Variants in DYNC1I1 observed in about 807,000 individuals in gnomAD.
The protein encoded by DYNC1I1 is dynein cytoplasmic 1 intermediate chain 1.
A neutral mutation model predicts 86.6 loss-of-function variants in DYNC1I1; 43 were observed. The observed-to-expected ratio is 0.50, with a 90% CI of 0.39 to 0.64. The LOEUF is 0.64. Ranked by LOEUF, DYNC1I1 falls within the 30% of genes least tolerant of loss-of-function variation. The pLI, the probability that DYNC1I1 is intolerant of heterozygous loss-of-function variation, is 0.00. For missense variants in DYNC1I1, 604 were observed against 788.8 expected, an observed-to-expected ratio of 0.77 and a Z score of 2.81; for synonymous variants, 262 against 283.7, an observed-to-expected ratio of 0.92 and a Z score of 0.77.
chr7:96,044,949 G>A (rs1789164653), intron 14 of DYNC1I1, among the ~76,000 whole-genome samples: 1 of 152,144 alleles, frequency 6.6e-6, no homozygotes, highest in Non-Finnish European at 1.5e-5. Context: ...AGAAAGGGCA[G>A]CAGTGGAAAT....
chr7:96,068,607 A>C (rs931054319), intron 14 of DYNC1I1, among the ~76,000 whole-genome samples: 1 of 152,170 alleles, frequency 6.6e-6, no homozygotes, highest in African/African-American at 2.4e-5. Flanking sequence ...TTCTTGAAAA[A>C]CATAAAATCT....
intron 16 of DYNC1I1, among the ~76,000 whole-genome samples, chr7:96,088,878 ATC>A (rs1332369326): frequency 6.6e-6 from 1 of 152,162 alleles, no homozygotes; most frequent in East Asian, 1.9e-4. Flanking sequence ...CTATCAGAAC[ATC>A]TTTTAAATTT....
At chr7:96,060,555 A>G (rs73232552) in intron 14 of DYNC1I1, among the ~76,000 whole-genome samples, 14,074 of 152,222 alleles carry the variant, frequency 0.092, 864 homozygotes, top group Non-Finnish European at 0.13. Context: ...AATGGTGGAT[A>G]TATGTCATGA....
At chr7:96,060,795 T>TA (rs1310619540) in intron 14 of DYNC1I1, among the ~76,000 whole-genome samples, 1 of 151,336 alleles carries the variant, frequency 6.6e-6, no homozygotes, top group Non-Finnish European at 1.5e-5. Flanking sequence ...AAAACTGCTC[T>TA]AAAAAATAAA....
chr7:95,961,948 G>C lies in DYNC1I1; in HGVS notation c.491-15564G>C, dbSNP rs532663023. Among the ~76,000 whole-genome samples the C allele has an allele frequency of 5.3e-5, 8 of 152,278 alleles. 2 individuals are homozygous for C. Among genetic ancestry groups the C allele is most frequent in the African/African-American group, 1.9e-4 (8 of 41,566 alleles). ...CTTCCCTTGACCTTGAATGTGTGCTGACTCTCTCCTGACTTCACACCCTCC... is the reference window on the plus strand; with the variant it reads ...CTTCCCTTGACCTTGAATGTGTGCTCACTCTCTCCTGACTTCACACCCTCC... On this transcript the variant is annotated intron_variant, in intron 6 of 16. Transcript: ENST00000447467.
intron 5 of DYNC1I1, among the ~76,000 whole-genome samples, chr7:95,864,175 A>C (rs1789960786): frequency 6.6e-6 from 1 of 152,188 alleles, no homozygotes; most frequent in African/African-American, 2.4e-5. Flanking sequence ...AAGCCATGCT[A>C]ACCTTATTGT....
intron 16 of DYNC1I1, among the ~76,000 whole-genome samples, chr7:96,094,376 T>C (rs890557473): frequency 1.3e-5 from 2 of 152,306 alleles, no homozygotes; most frequent in African/African-American, 4.8e-5. Context: ...GAGAAAATCA[T>C]AAATGCATTT....
intron 14 of DYNC1I1, among the ~76,000 whole-genome samples, chr7:96,044,428 A>C (rs912016972): frequency 6.6e-6 from 1 of 152,162 alleles, no homozygotes; most frequent in Non-Finnish European, 1.5e-5. Flanking sequence ...GAAAGCAAGA[A>C]AGCATTAAAA....
intron 2 of DYNC1I1, among the ~76,000 whole-genome samples, chr7:95,805,537 G>C (rs1402770116): frequency 6.6e-6 from 1 of 152,144 alleles, no homozygotes; most frequent in African/African-American, 2.4e-5. Flanking sequence ...CAGAGACCCA[G>C]AGGTGAAATG....
At chr7:95,976,679 C>A (rs1218169795) in intron 6 of DYNC1I1, among the ~76,000 whole-genome samples, 1 of 152,100 alleles carries the variant, frequency 6.6e-6, no homozygotes, top group African/African-American at 2.4e-5. Context: ...AGACTGAAAG[C>A]AAATTTTAAT....
intron 4 of DYNC1I1, among the ~76,000 whole-genome samples, chr7:95,820,683 GAGA>G (rs1795054578): frequency 6.6e-6 from 1 of 152,238 alleles, no homozygotes; most frequent in Non-Finnish European, 1.5e-5. Context: ...TCACTTGGTA[GAGA>G]AGATGGCTGG....
chr7:96,080,527 G>C (rs1455439574), intron 16 of DYNC1I1, 39 bp downstream of exon 16: 1 of 1,613,986 alleles, frequency 6.2e-7, no homozygotes, highest in Non-Finnish European at 8.5e-7. Flanking sequence ...GTTTTGACTT[G>C]TGTATCTACT....
At chr7:96,101,078 A>C (rs1791128384), downstream of DYNC1I1, among the ~76,000 whole-genome samples, 1 of 152,116 alleles carries the variant, frequency 6.6e-6, no homozygotes, top group Admixed American at 6.5e-5. Context: ...GAGACCCCAG[A>C]GTAATAGTGG....
intron 6 of DYNC1I1, among the ~76,000 whole-genome samples, chr7:95,936,956 T>TCTCTCTCACACACACACA (rs750834189): frequency 1.5e-4 from 20 of 134,286 alleles, no homozygotes; most frequent in Non-Finnish European, 2.7e-4. Flanking sequence ...AGAATATGTC[T>TCTCTCTCACACACACACA]CACACACACA....
chr7:95,999,663 G>A (rs1793961788), intron 10 of DYNC1I1, among the ~76,000 whole-genome samples: 1 of 152,148 alleles, frequency 6.6e-6, no homozygotes, highest in Admixed American at 6.6e-5. Context: ...AAGAGTGATG[G>A]TAACAGAGGA....
At chr7:95,861,126 C>T (rs1333783763) in intron 5 of DYNC1I1, among the ~76,000 whole-genome samples, 1 of 152,062 alleles carries the variant, frequency 6.6e-6, no homozygotes, top group Admixed American at 6.6e-5. Context: ...CACACTCTGG[C>T]TTCTGATTCA....
chr7:95,975,824 C>T (rs183922223), intron 6 of DYNC1I1, among the ~76,000 whole-genome samples: 15 of 152,318 alleles, frequency 9.8e-5, no homozygotes, highest in Admixed American at 9.2e-4. Flanking sequence ...CTTTTGAAAA[C>T]TGCCTCTTCA....
intron 5 of DYNC1I1, among the ~76,000 whole-genome samples, chr7:95,851,065 C>T (rs1789564835): frequency 1.3e-5 from 2 of 151,836 alleles, no homozygotes; most frequent in South Asian, 2.1e-4. Context: ...GCCTGCCGTG[C>T]AGCTGGGACC....
chr7:95,776,356 A>G (rs1047668005), intron 1 of DYNC1I1, among the ~76,000 whole-genome samples: 15 of 152,176 alleles, frequency 9.9e-5, no homozygotes, highest in African/African-American at 1.4e-4. Flanking sequence ...ATGAGCTCAC[A>G]TATTCATAAA....
Sources: allele counts gnomAD v4.1 joint callset (sites outside exome capture counted in the v4.1 genomes callset), GRCh38; gene constraint gnomAD v4.1.1; transcripts MANE v1.5; gene names NCBI Gene and HGNC (gene_info 2026-07-23, HGNC 2026-07-21).